Variants in POT1 observed in about 807,000 individuals in gnomAD.
POT1 encodes protection of telomeres protein 1.
Under a neutral mutation model 78.5 loss-of-function variants are expected in POT1, and 47 were observed. The ratio of observed to expected loss-of-function variants is 0.60; its 90% CI spans 0.47 to 0.76. POT1 has a LOEUF of 0.76. Among genes scored for constraint, POT1 ranks in the 30% least tolerant of loss-of-function variants. The probability of loss-of-function intolerance (pLI) is 0.00; values close to 1 mark genes in which losing one functional copy is unlikely to be tolerated. For synonymous variants in POT1, 259 were observed against 260.7 expected, an observed-to-expected ratio of 0.99 and a Z score of 0.06; for missense variants, 646 against 749.9, an observed-to-expected ratio of 0.86 and a Z score of 1.62.
intron 14 of POT1, chr7:124,837,127 A>G: frequency 4.5e-6 from 1 of 221,592 alleles, no homozygotes; most frequent in South Asian, 5.1e-5. Context: ...GACATTTATT[A>G]AGTCTTTAAC....
In POT1 at chr7:124,870,423, C is replaced by G. The variant is rs192640848; in HGVS notation, c.255+488G>C. The stretch of plus-strand genomic sequence containing the variant: ...TAATTTTTAAAGTTCCTGTTCATAT[C>G]TTATTTCTTATAAATGAAAACCAAC... On this transcript the variant is annotated intron_variant, in intron 7 of 18. Coordinates refer to ENST00000357628, the MANE Select transcript of POT1 (RefSeq NM_015450.3). Among the ~76,000 whole-genome samples the G allele has an allele frequency of 2.5e-3, 376 of 152,050 alleles. 1 individual carries two copies. The highest frequency in any genetic ancestry group is 8.9e-3 in the African/African-American group (368 of 41,524).
chr7:124,840,667 C>T (rs1423363339), intron 14 of POT1: 1 of 190,740 alleles, frequency 5.2e-6, no homozygotes, highest in East Asian at 1.4e-4. Context: ...AAGCAATCAG[C>T]CTCTTTTATT....
chr7:124,842,393 T>C (rs1295663216), intron 13 of POT1, among the ~76,000 whole-genome samples: 2 of 151,990 alleles, frequency 1.3e-5, no homozygotes, highest in Non-Finnish European at 2.9e-5. Flanking sequence ...TATTATATTC[T>C]AGTTATTAAG....
intron 6 of POT1, among the ~76,000 whole-genome samples, chr7:124,878,346 G>C (rs544148128): frequency 7.9e-5 from 12 of 151,790 alleles, no homozygotes; most frequent in Non-Finnish European, 1.8e-4. Flanking sequence ...AGCAGGGGGT[G>C]GGGGGAAGAA....
intron 6 of POT1, among the ~76,000 whole-genome samples, chr7:124,873,356 A>G (rs1168310711): frequency 6.6e-6 from 1 of 152,186 alleles, no homozygotes; most frequent in Non-Finnish European, 1.5e-5. Flanking sequence ...TTCTGCATTT[A>G]TTAAAATGAT....
intron 6 of POT1, among the ~76,000 whole-genome samples, chr7:124,881,897 T>C (rs139526394): frequency 0.017 from 2,610 of 152,126 alleles, 71 homozygotes; most frequent in African/African-American, 0.059. Context: ...CTTTAAACCA[T>C]TGATAAAGTG....
At chr7:124,918,415 G>C (rs932457669) in intron 2 of POT1, among the ~76,000 whole-genome samples, 1 of 152,178 alleles carries the variant, frequency 6.6e-6, no homozygotes, top group Admixed American at 6.5e-5. Flanking sequence ...TGCGTTTCTT[G>C]TGTGAAAGGC....
intron 9 of POT1, among the ~76,000 whole-genome samples, chr7:124,857,142 T>G (rs1161980900): frequency 6.6e-6 from 1 of 152,220 alleles, no homozygotes; most frequent in Non-Finnish European, 1.5e-5. Context: ...TATTTGCTAC[T>G]CCATGGCCAC....
chr7:124,918,032 T>G (rs753908882), intron 2 of POT1, among the ~76,000 whole-genome samples: 2 of 152,114 alleles, frequency 1.3e-5, no homozygotes, highest in Non-Finnish European at 2.9e-5. Context: ...ACTGGGAAAT[T>G]TGAAAGTAAA....
Position 124,859,006 on chromosome 7 carries a change from A to G in POT1, c.653T>C (p.Ile218Thr), listed in dbSNP as rs376770473. The part of the protein sequence containing the change: ...SHIHRLQNLT[I>T]DILVYDNHVH... ...ATGGTTATCGTAGACTAAAATGTCT[A>G]TTGTCAGATTTTGTAGCCGATGGAT... The change falls in exon 9 of 19, where the codon ATA (isoleucine) becomes ACA (threonine). Residue 218 changes from isoleucine (I) to threonine (T), a missense_variant. Physicochemically the swap from Ile to Thr is moderately conservative, Grantham distance 89. Around this residue, in one of 2 missense-constraint regions of POT1, gnomAD observed 252 missense variants for 341.4 expected, o/e 0.74. Coordinates refer to ENST00000357628, the MANE Select transcript of POT1 (RefSeq NM_015450.3). The G allele has an allele frequency of 6.8e-6, 11 of 1,611,452 alleles. No individual in the cohort carries two copies. Among genetic ancestry groups the G allele is most frequent in the East Asian group, 2.2e-5 (1 of 44,778 alleles).
chr7:124,870,679 A>G (rs953890563), intron 7 of POT1, among the ~76,000 whole-genome samples: 1 of 152,170 alleles, frequency 6.6e-6, no homozygotes, highest in African/African-American at 2.4e-5. Context: ...ACCAGTTTTA[A>G]TCATGGCATG....
chr7:124,872,263 A>G (rs1795888691), intron 6 of POT1, among the ~76,000 whole-genome samples: 1 of 152,178 alleles, frequency 6.6e-6, no homozygotes, highest in South Asian at 2.1e-4. Flanking sequence ...CCTATTGTGA[A>G]TAAGCCTGCA....
chr7:124,890,668 G>A (rs187723156), intron 6 of POT1, among the ~76,000 whole-genome samples: 34 of 151,840 alleles, frequency 2.2e-4, no homozygotes, highest in Non-Finnish European at 4.1e-4. Flanking sequence ...ATGATAACTC[G>A]CTGAAGGCTC....
intron 18 of POT1, 56 bp downstream of exon 18, chr7:124,825,196 T>C: frequency 8.7e-7 from 1 of 1,154,544 alleles, no homozygotes; most frequent in South Asian, 1.3e-5. Context: ...AGTACATATA[T>C]GTTAGTGCTA....
At position 124,865,702 on chromosome 7, in the gene POT1, AATT is replaced by A. The variant is rs886449054; in HGVS notation, c.256-2065_256-2063del. Among the ~76,000 whole-genome samples the A allele has an allele frequency of 1.2e-3, 186 of 150,610 alleles. 1 individual carries two copies. Among genetic ancestry groups the A allele is most frequent in the African/African-American group, 3.9e-3 (162 of 41,220 alleles). On this transcript the variant is annotated intron_variant, in intron 7 of 18. Coordinates refer to ENST00000357628, the MANE Select transcript of POT1 (RefSeq NM_015450.3). ...CCTTTTTTAAGTTATTTTATTTATT[AATT>A]ATTATTATTATTATTATTTTGAGAC... is the stretch of plus-strand genomic sequence containing the variant.
At chr7:124,923,169 T>TA (rs1247276885) in intron 2 of POT1, among the ~76,000 whole-genome samples, 2 of 151,374 alleles carry the variant, frequency 1.3e-5, no homozygotes, top group African/African-American at 2.4e-5. Flanking sequence ...ATATATCAAT[T>TA]AAAAAAAATT....
intron 9 of POT1, among the ~76,000 whole-genome samples, chr7:124,855,287 T>G (rs995725001): frequency 1.3e-5 from 2 of 150,044 alleles, no homozygotes; most frequent in South Asian, 2.1e-4. Context: ...GTGTAGAGTT[T>G]TATTTCCTAA....
At chr7:124,897,430 T>C (rs939803977) in intron 4 of POT1, among the ~76,000 whole-genome samples, 2 of 151,466 alleles carry the variant, frequency 1.3e-5, no homozygotes, top group East Asian at 1.9e-4. Flanking sequence ...CAAATGAAAA[T>C]GTACTTTATT....
chr7:124,899,741 GAA>G (rs55872782), intron 3 of POT1, among the ~76,000 whole-genome samples: 1 of 151,264 alleles, frequency 6.6e-6, no homozygotes, highest in African/African-American at 2.4e-5. Context: ...TATCCAAGTA[GAA>G]AAAAAAACCT....
Sources: gnomAD v4.1 joint callset for allele counts (sites outside exome capture counted in the v4.1 genomes callset) on GRCh38, gnomAD v4.1.1 for gene constraint, gnomAD v4.1.1 regional missense constraint, MANE v1.5 for transcripts, NCBI Gene and HGNC (gene_info 2026-07-23, HGNC 2026-07-21) for gene names.